The following ZFC3H1 variants were observed in gnomAD, a reference collection of about 807,000 sequenced individuals.
ZFC3H1 encodes the protein zinc finger C3H1-type containing.
ZFC3H1 carries 71 observed loss-of-function variants against 243.7 expected under a neutral mutation model. The ratio of observed to expected loss-of-function variants is 0.29; its 90% CI spans 0.24 to 0.36. The LOEUF is 0.36. Among genes scored for constraint, ZFC3H1 ranks in the 10% least tolerant of loss-of-function variants. The pLI, the probability that ZFC3H1 is intolerant of heterozygous loss-of-function variation, is 1.00. For synonymous variants in ZFC3H1, 838 were observed against 813.0 expected (o/e 1.03, Z -0.52); for missense variants, 1,966 against 2,317.1 (o/e 0.85, Z 3.11).
Position 71,610,229 on chromosome 12 carries a change from GA to G in ZFC3H1, c.*198del. ...CAGGGCCTAGAAGCAGGCCAAACAG[GA>G]AGTTCATTTATCCAACCGAAGAGGA... On this transcript the variant is annotated 3_prime_UTR_variant, in exon 35 of 35. Coordinates refer to ENST00000378743, the MANE Select transcript of ZFC3H1 (RefSeq NM_144982.5). The G allele has an allele frequency of 1.8e-6, 1 of 545,836 alleles. No individual in the cohort carries two copies. The highest frequency in any genetic ancestry group is 3.1e-6 in the Non-Finnish European group (1 of 323,490). The allele number at this position is 545,836 out of a possible 1,614,324, so 33.8% of individuals were successfully genotyped here.
intron 24 of ZFC3H1, among the ~76,000 whole-genome samples, chr12:71,621,810 C>G (rs1880035820): frequency 6.6e-6 from 1 of 151,916 alleles, no homozygotes; most frequent in South Asian, 2.1e-4. Context: ...CTTCAACCCC[C>G]CCGCCTCACC....
chr12:71,637,950 T>TG (rs917659993), intron 7 of ZFC3H1, among the ~76,000 whole-genome samples: 19 of 151,950 alleles, frequency 1.3e-4, no homozygotes, highest in Middle Eastern at 3.2e-3. Flanking sequence ...GGACTGGAGA[T>TG]GGGGGGGAAA....
Position 71,627,951 on chromosome 12 carries a change from T to C in ZFC3H1, c.3947-17A>G. ...GCTGGAAAGCTATTTAAAAAAAAAG[T>C]ATTATTAGCTTCACATTTTCTTTAG... On this transcript the variant is annotated splice_polypyrimidine_tract_variant and intron_variant, in intron 20 of 34. Transcript: ENST00000378743. 2.5e-6 allele frequency: 4 copies of C among 1,603,310 alleles called. No homozygotes were observed. The highest frequency in any genetic ancestry group is 2.6e-6 in the Non-Finnish European group (3 of 1,176,354).
In ZFC3H1 at chr12:71,610,758, C is replaced by T; in HGVS notation, c.5770-1G>A. ...AGGCTCTCTGATATAAACGGTGGACCTGTAAGATAGATATACACACAATTC... is the reference window on the plus strand; with the variant it reads ...AGGCTCTCTGATATAAACGGTGGACTTGTAAGATAGATATACACACAATTC... On this transcript the variant is annotated splice_acceptor_variant, in intron 33 of 34. Transcript: ENST00000378743. LOFTEE classifies it high-confidence loss of function. 6.2e-7 allele frequency: 1 copy of T among 1,612,510 alleles called. No homozygotes were observed. Among genetic ancestry groups the T allele is most frequent in the Non-Finnish European group, 8.5e-7 (1 of 1,179,262 alleles).
chr12:71,638,281 T>C, intron 7 of ZFC3H1, 137 bp downstream of exon 7: 1 of 800,988 alleles, frequency 1.2e-6, no homozygotes, highest in Non-Finnish European at 2.0e-6. Context: ...CTGTTTATTC[T>C]ACGTATTTCA....
At chr12:71,644,552 C>CA (rs1476390427) in intron 4 of ZFC3H1, among the ~76,000 whole-genome samples, 4 of 152,216 alleles carry the variant, frequency 2.6e-5, no homozygotes, top group Non-Finnish European at 5.9e-5. Context: ...GGCAGTGGCT[C>CA]ACGCCTGTAA....
rs1239195543 is a variant in ZFC3H1 at position 71,638,525 on chromosome 12, A to G, written c.1628-10T>C. On this transcript the variant is annotated splice_polypyrimidine_tract_variant and intron_variant, in intron 6 of 34. Coordinates refer to ENST00000378743, the MANE Select transcript of ZFC3H1 (RefSeq NM_144982.5). Reference sequence around the variant, plus strand: ...TGCACTGGTGAAGGAGCTGTAAAAAAATTTTTTGTTAAGAGTTTAATAACA... The same window carrying G: ...TGCACTGGTGAAGGAGCTGTAAAAAGATTTTTTGTTAAGAGTTTAATAACA... 3 of 1,590,206 alleles carry G rather than the reference A, an allele frequency of 1.9e-6. No homozygotes were observed. Among genetic ancestry groups the G allele is most frequent in the African/African-American group, 1.4e-5 (1 of 73,342 alleles).
rs1389656654 is a variant in ZFC3H1, at chr12:71,644,973, T to C, written c.1183A>G (p.Lys395Glu). The C allele has an allele frequency of 1.9e-6, 3 of 1,613,482 alleles. No individual in the cohort carries two copies. In the Admixed American group the frequency reaches 5.0e-5, roughly 27 times the overall value. Residue 395 changes from lysine to glutamate, a missense_variant, in exon 4 of 35, where the codon AAA becomes GAA. Physicochemically the swap from Lys to Glu is moderately conservative, Grantham distance 56 (BLOSUM62 1). Transcript: ENST00000378743. ...KWQQKEQQVM[K>E]ESKEKLTKTK... ...TTAGTCAACTTTTCTTTGCTTTCTT[T>C]CATCACCTGCTGTTCTTTTTGTTGC...
At chr12:71,662,661 C>G (rs1032628629) in intron 1 of ZFC3H1, among the ~76,000 whole-genome samples, 1 of 152,072 alleles carries the variant, frequency 6.6e-6, no homozygotes, top group Non-Finnish European at 1.5e-5. Flanking sequence ...TATTTTTTCT[C>G]TAACAATCCA....
chr12:71,636,492 A>G lies in ZFC3H1; in HGVS notation c.2098T>C (p.Ser700Pro). The change falls in exon 9 of 35, where the codon TCG (serine) becomes CCG (proline). Residue 700 changes from serine to proline, a missense_variant and splice_region_variant. Transcript: ENST00000378743. ...TAGCATTAAATTTTTGTTTTTACCG[A>G]GATCACAGTTCGTGGAAGACGGGGT... ...RGPRLPRTVI[S>P]LPKHKSVVVT... 6.3e-7 allele frequency: 1 copy of G among 1,594,610 alleles called. No individual in the cohort carries two copies. Among genetic ancestry groups the G allele is most frequent in the Non-Finnish European group, 8.5e-7 (1 of 1,174,004 alleles).
rs745482665 is a variant in ZFC3H1, at chr12:71,634,663, A to T, written c.2360+41T>A. 9.0e-6 allele frequency: 14 copies of T among 1,557,200 alleles called. No homozygotes were observed. In the South Asian group the frequency reaches 1.7e-4, roughly 19 times the overall value. On this transcript the variant is annotated intron_variant, in intron 11 of 34. Coordinates refer to ENST00000378743, the MANE Select transcript of ZFC3H1 (RefSeq NM_144982.5). ...ACTCTATAAGAGAAGTTTTGAAAAC[A>T]TCACATACTTTTAATGTTAATTACA... is the stretch of plus-strand genomic sequence containing the variant.
In ZFC3H1 at chr12:71,657,107, T is replaced by C. The variant is rs370932009; in HGVS notation, c.793A>G (p.Asn265Asp). Residue 265 changes from asparagine (N) to aspartate (D), a missense_variant, in exon 2 of 35, where the codon AAC becomes GAC. Physicochemically the swap from Asn to Asp is conservative, Grantham distance 23. Coordinates refer to ENST00000378743, the MANE Select transcript of ZFC3H1 (RefSeq NM_144982.5). ...ENVQEDPKTLNFEDQTSTDNV... is the reference protein window; with the variant it reads ...ENVQEDPKTLDFEDQTSTDNV... ...TCAGTGCTAGTTTGGTCCTCGAAGT[T>C]CAATGTTTTAGGATCTTCCTGCACA... is the stretch of plus-strand genomic sequence containing the variant. 3 of 1,613,868 alleles carry C rather than the reference T, an allele frequency of 1.9e-6. No homozygotes were observed. The highest frequency in any genetic ancestry group is 2.5e-6 in the Non-Finnish European group (3 of 1,179,938).
intron 3 of ZFC3H1, among the ~76,000 whole-genome samples, chr12:71,646,036 A>G (rs1880722396): frequency 6.6e-6 from 1 of 152,220 alleles, no homozygotes; most frequent in Non-Finnish European, 1.5e-5. Context: ...TTATCTAATA[A>G]CTTTTTCTTA....
In ZFC3H1 at chr12:71,633,244, C is replaced by T. The variant is rs777860898; in HGVS notation, c.2685+20G>A. 1.9e-6 allele frequency: 3 copies of T among 1,559,978 alleles called. No homozygotes were observed. The highest frequency in any genetic ancestry group is 2.5e-5 in the South Asian group (2 of 81,592). The stretch of plus-strand genomic sequence containing the variant: ...AAAATGTGTAGTAAACAGGAGACTA[C>T]AGTATTTTAAAATAATTACTTGTTC... On this transcript the variant is annotated intron_variant, in intron 13 of 34. Coordinates refer to ENST00000378743, the MANE Select transcript of ZFC3H1 (RefSeq NM_144982.5).
At chr12:71,636,194 A>T (rs1168384748) in intron 9 of ZFC3H1, among the ~76,000 whole-genome samples, 1 of 152,184 alleles carries the variant, frequency 6.6e-6, no homozygotes, top group East Asian at 1.9e-4. Flanking sequence ...AGAAAATCTG[A>T]ATGAGCCCAT....
At chr12:71,650,714 A>T (rs996112570) in intron 2 of ZFC3H1, among the ~76,000 whole-genome samples, 1 of 152,236 alleles carries the variant, frequency 6.6e-6, no homozygotes, top group East Asian at 1.9e-4. Context: ...GGGAAGAAAC[A>T]TATCACTGAA....
intron 3 of ZFC3H1, among the ~76,000 whole-genome samples, chr12:71,646,884 T>C (rs550583873): frequency 3.3e-5 from 5 of 152,372 alleles, no homozygotes; most frequent in African/African-American, 9.6e-5. Flanking sequence ...TAGTTCCCAC[T>C]AGTCAGACAA....
intron 20 of ZFC3H1, 22 bp from the exon 21 acceptor site, chr12:71,627,956 T>C (rs200365153): frequency 1.2e-5 from 19 of 1,601,784 alleles, no homozygotes; most frequent in Non-Finnish European, 1.3e-5. Flanking sequence ...AAAAGTATTA[T>C]TAGCTTCACA....
chr12:71,654,401 C>G (rs527372957), intron 2 of ZFC3H1, among the ~76,000 whole-genome samples: 3 of 152,246 alleles, frequency 2.0e-5, no homozygotes, highest in Admixed American at 6.5e-5. Context: ...TGATCATACT[C>G]CTGCACTCTA....
Sources: gnomAD v4.1 joint callset for allele counts (sites outside exome capture counted in the v4.1 genomes callset) on GRCh38, gnomAD v4.1.1 for gene constraint, MANE v1.5 for transcripts, NCBI Gene and HGNC (gene_info 2026-07-23, HGNC 2026-07-21) for gene names.